The following PRKAR1A variants were observed in gnomAD, a reference collection of about 807,000 sequenced individuals.
PRKAR1A encodes the protein cAMP-dependent protein kinase type I-alpha regulatory subunit.
PRKAR1A carries 3 observed loss-of-function variants against 52.0 expected under a neutral mutation model. The ratio of observed to expected loss-of-function variants is 0.06; its 90% CI spans 0.03 to 0.15. The LOEUF (loss-of-function observed/expected upper bound fraction) is 0.15, where lower values mean the gene tolerates loss of function less well. PRKAR1A is among the 10% of genes least tolerant of loss of function. The pLI is 1.00. For missense variants in PRKAR1A, 240 were observed against 477.4 expected, an observed-to-expected ratio of 0.50 and a Z score of 4.63; for synonymous variants, 188 against 168.4, an observed-to-expected ratio of 1.12 and a Z score of -0.90.
At chr17:68,483,134 T>C in the PRKAR1A span, among the ~76,000 whole-genome samples, 1 of 151,246 alleles carries the variant, frequency 6.6e-6, no homozygotes, top group Non-Finnish European at 1.5e-5. Flanking sequence ...TTTTTTTTTG[T>C]CTATGATGTG....
chr17:68,550,992 G>A, intron 11 of PRKAR1A: 1 of 1,100,180 alleles, frequency 9.1e-7, no homozygotes, highest in Non-Finnish European at 1.2e-6. Flanking sequence ...GAATCTGCCA[G>A]TCTAATTGTA....
Position 68,525,880 on chromosome 17 carries a change from A to G in PRKAR1A, c.676A>G (p.Ile226Val). 1 of 1,613,964 alleles carries G rather than the reference A, an allele frequency of 6.2e-7. No individual in the cohort carries two copies. The highest frequency in any genetic ancestry group is 8.5e-7 in the Non-Finnish European group (1 of 1,179,912). ...AAAGACAAATGTGAAATTGTGGGGC[A>G]TCGACCGAGACAGCTATAGAAGAAT... ...KAKTNVKLWG[I>V]DRDSYRRILM... Residue 226 changes from isoleucine (I) to valine (V), a missense_variant, in exon 7 of 11, where the codon ATC (isoleucine) becomes GTC (valine). This residue lies in a region of PRKAR1A where 107 missense variants were observed against 290.9 expected (regional missense o/e 0.37). Coordinates refer to ENST00000589228, the MANE Select transcript of PRKAR1A (RefSeq NM_002734.5).
chr17:68,508,335 T>C (rs1421259631), upstream of PRKAR1A, among the ~76,000 whole-genome samples: 3 of 152,218 alleles, frequency 2.0e-5, no homozygotes, highest in South Asian at 2.1e-4. Context: ...ATATACACCA[T>C]GGAATACTAT....
chr17:68,455,712 C>T, the PRKAR1A span, among the ~76,000 whole-genome samples: 3 of 152,224 alleles, frequency 2.0e-5, no homozygotes, highest in East Asian at 1.9e-4. Flanking sequence ...AGCACCCTAC[C>T]GTTTTGAAAA....
chr17:68,490,268 C>T, the PRKAR1A span, among the ~76,000 whole-genome samples: 21 of 152,294 alleles, frequency 1.4e-4, no homozygotes, highest in Admixed American at 7.2e-4. Context: ...GGCAAGCGTG[C>T]GGGGCCTTTC....
chr17:68,414,525 A>C, the PRKAR1A span, among the ~76,000 whole-genome samples: 2 of 152,136 alleles, frequency 1.3e-5, no homozygotes, highest in African/African-American at 4.8e-5. Flanking sequence ...TTGTAGTATT[A>C]GGGTGATTCT....
intron 2 of PRKAR1A, among the ~76,000 whole-genome samples, chr17:68,518,795 A>G (rs1167897319): frequency 1.3e-5 from 2 of 152,130 alleles, no homozygotes; most frequent in African/African-American, 4.8e-5. Context: ...TTTCTTTTCT[A>G]TTGCTTTGTC....
the PRKAR1A span, among the ~76,000 whole-genome samples, chr17:68,468,020 C>T: frequency 6.6e-6 from 1 of 152,066 alleles, no homozygotes; most frequent in Admixed American, 6.6e-5. Flanking sequence ...TCAGCCTCCA[C>T]AAGTAGCTGG....
the PRKAR1A span, among the ~76,000 whole-genome samples, chr17:68,499,944 C>T: frequency 6.6e-6 from 1 of 152,244 alleles, no homozygotes; most frequent in Non-Finnish European, 1.5e-5. Flanking sequence ...GAAGACCATA[C>T]ATTAACTAAC....
At chr17:68,425,062 T>G in the PRKAR1A span, among the ~76,000 whole-genome samples, 1 of 152,028 alleles carries the variant, frequency 6.6e-6, no homozygotes, top group African/African-American at 2.4e-5. Context: ...TTCCAGGTGA[T>G]GGAAGAAGCC....
At chr17:68,467,619 A>C in the PRKAR1A span, among the ~76,000 whole-genome samples, 1 of 152,076 alleles carries the variant, frequency 6.6e-6, no homozygotes, top group Non-Finnish European at 1.5e-5. Flanking sequence ...TCTGGGTCAC[A>C]CTCTTGACAC....
chr17:68,499,737 C>T, the PRKAR1A span, among the ~76,000 whole-genome samples: 3 of 152,202 alleles, frequency 2.0e-5, no homozygotes, highest in African/African-American at 2.4e-5. Flanking sequence ...AGATTGCCAC[C>T]GTGCTATAGA....
chr17:68,457,316 C>G, the PRKAR1A span: 16 of 1,540,220 alleles, frequency 1.0e-5, no homozygotes, highest in Non-Finnish European at 1.3e-5. Flanking sequence ...CCCCACCTCC[C>G]TGGCAGGGGC....
the PRKAR1A span, among the ~76,000 whole-genome samples, chr17:68,441,637 G>A: frequency 2.0e-5 from 3 of 152,206 alleles, no homozygotes; most frequent in African/African-American, 7.2e-5. Flanking sequence ...GTGCAAGGCT[G>A]TCCTATGGGA....
the PRKAR1A span, among the ~76,000 whole-genome samples, chr17:68,480,152 C>G: frequency 2.0e-5 from 3 of 152,198 alleles, no homozygotes; most frequent in African/African-American, 7.2e-5. Flanking sequence ...AAAAATATAG[C>G]AGTTCTTTTA....
chr17:68,445,601 C>G, the PRKAR1A span, among the ~76,000 whole-genome samples: 7 of 152,242 alleles, frequency 4.6e-5, no homozygotes, highest in Non-Finnish European at 1.0e-4. Flanking sequence ...CCAGACCCTT[C>G]TCTTCCTCTC....
At chr17:68,500,216 T>A in the PRKAR1A span, among the ~76,000 whole-genome samples, 1 of 152,112 alleles carries the variant, frequency 6.6e-6, no homozygotes, top group Non-Finnish European at 1.5e-5. Flanking sequence ...CCCACCCAAA[T>A]CTCATCTTGA....
rs935988191 is a variant in PRKAR1A at position 68,532,366 on chromosome 17, T to A, written c.*1917T>A. The A allele has an allele frequency of 9.5e-7, 1 of 1,057,284 alleles. No individual in the cohort carries two copies. Among genetic ancestry groups the A allele is most frequent in the Non-Finnish European group, 1.1e-6 (1 of 871,830 alleles). The allele number at this position is 1,057,284 out of a possible 1,614,324, so 65.5% of individuals were successfully genotyped here. A position where few individuals can be genotyped will look rare whatever the true frequency, so the allele number is the denominator to read the frequency against. On this transcript the variant is annotated 3_prime_UTR_variant, in exon 11 of 11. Coordinates refer to ENST00000589228, the MANE Select transcript of PRKAR1A (RefSeq NM_002734.5). ...ATGTATATTTAGTTACGTATAATGC[T>A]TTCTGAGTGAGTTTTACTCTTAAAT...
intron 11 of PRKAR1A, chr17:68,542,909 A>C (rs1471442805): frequency 8.7e-6 from 8 of 918,952 alleles, no homozygotes; most frequent in East Asian, 7.3e-5. Context: ...TGGCTGGTGT[A>C]CCCAGGAGGG....
Sources: gnomAD v4.1 joint callset for allele counts (sites outside exome capture counted in the v4.1 genomes callset) on GRCh38, gnomAD v4.1.1 for gene constraint, gnomAD v4.1.1 regional missense constraint, MANE v1.5 for transcripts, NCBI Gene and HGNC (gene_info 2026-07-23, HGNC 2026-07-21) for gene names.